Variants in CPNE8 observed in about 807,000 individuals in gnomAD.
CPNE8 encodes copine-8.
CPNE8 carries 45 observed loss-of-function variants against 81.5 expected under a neutral mutation model. The observed-to-expected ratio is 0.55, with a 90% CI of 0.44 to 0.71. The LOEUF (loss-of-function observed/expected upper bound fraction) is 0.71. CPNE8 is among the 30% of genes least tolerant of loss of function. The pLI is 0.00. For synonymous variants in CPNE8, 252 were observed against 226.3 expected, an observed-to-expected ratio of 1.11 and a Z score of -1.02; for missense variants, 594 against 672.1, an observed-to-expected ratio of 0.88 and a Z score of 1.28.
intron 6 of CPNE8, among the ~76,000 whole-genome samples, chr12:38,791,820 GA>G: frequency 6.6e-6 from 1 of 151,534 alleles, no homozygotes; most frequent in African/African-American, 2.4e-5. Context: ...CTCCAGGACA[GA>G]CCACATTTTA....
chr12:38,878,665 G>T (rs1208719700), intron 1 of CPNE8, among the ~76,000 whole-genome samples: 4 of 152,104 alleles, frequency 2.6e-5, no homozygotes, highest in South Asian at 2.1e-4. Flanking sequence ...TTGTCAGTCG[G>T]CATTCTGAGA....
chr12:38,784,479 C>A (rs1249261062), intron 6 of CPNE8, among the ~76,000 whole-genome samples: 1 of 152,126 alleles, frequency 6.6e-6, no homozygotes, highest in Non-Finnish European at 1.5e-5. Context: ...TAACTGAGAA[C>A]TTCCCAGACC....
chr12:38,799,091 A>T (rs71461480), intron 6 of CPNE8, among the ~76,000 whole-genome samples: 7 of 152,150 alleles, frequency 4.6e-5, no homozygotes, highest in Admixed American at 1.3e-4. Flanking sequence ...CTCCCACACA[A>T]TAATAATGGG....
At chr12:38,882,885 A>T (rs1307709059) in intron 1 of CPNE8, among the ~76,000 whole-genome samples, 1 of 152,130 alleles carries the variant, frequency 6.6e-6, no homozygotes, top group Admixed American at 6.5e-5. Context: ...TTTTACCCAT[A>T]GCATTCTGTT....
At chr12:38,803,468 T>A (rs910646459) in intron 6 of CPNE8, among the ~76,000 whole-genome samples, 10 of 151,070 alleles carry the variant, frequency 6.6e-5, no homozygotes, top group African/African-American at 2.2e-4. Flanking sequence ...CCCTTCATGC[T>A]AAAAACTTTC....
chr12:38,854,309 A>G (rs1943692746), intron 3 of CPNE8, among the ~76,000 whole-genome samples: 1 of 151,820 alleles, frequency 6.6e-6, no homozygotes. Context: ...TTATAAGAGG[A>G]AGACATATAG....
chr12:38,774,024 G>A (rs1374955572), intron 7 of CPNE8, among the ~76,000 whole-genome samples: 3 of 152,066 alleles, frequency 2.0e-5, no homozygotes, highest in Non-Finnish European at 4.4e-5. Flanking sequence ...GATAATTCCA[G>A]ATGTTATTGA....
chr12:38,906,083 C>A, upstream of CPNE8: 1 of 986,586 alleles, frequency 1.0e-6, no homozygotes, highest in Non-Finnish European at 1.2e-6. Context: ...GGTGGGGGCA[C>A]CTCTGCCCGT....
chr12:38,887,772 T>TA (rs1473954854), intron 1 of CPNE8, among the ~76,000 whole-genome samples: 1 of 152,198 alleles, frequency 6.6e-6, no homozygotes, highest in East Asian at 1.9e-4. Context: ...AGTTGCCGTT[T>TA]AAATCCAGAT....
chr12:38,788,949 A>T (rs1461648275), intron 6 of CPNE8, among the ~76,000 whole-genome samples: 1 of 151,886 alleles, frequency 6.6e-6, no homozygotes, highest in African/African-American at 2.4e-5. Flanking sequence ...AAGATAATTA[A>T]AGAGGACACC....
chr12:38,797,293 AC>A (rs938986093), intron 6 of CPNE8, among the ~76,000 whole-genome samples: 2 of 151,722 alleles, frequency 1.3e-5, no homozygotes, highest in African/African-American at 4.8e-5. Flanking sequence ...ACTGGGAGGC[AC>A]CCCCCAGTAG....
chr12:38,892,543 G>C (rs1681719006), intron 1 of CPNE8, among the ~76,000 whole-genome samples: 3 of 152,164 alleles, frequency 2.0e-5, no homozygotes, highest in South Asian at 2.1e-4. Flanking sequence ...GATTTTAAAA[G>C]TACCGAAACC....
At chr12:38,811,134 C>T (rs1264942896) in intron 6 of CPNE8, among the ~76,000 whole-genome samples, 1 of 152,048 alleles carries the variant, frequency 6.6e-6, no homozygotes. Context: ...AAAATTCTTC[C>T]TTCTACCCTG....
intron 5 of CPNE8, among the ~76,000 whole-genome samples, chr12:38,839,231 G>C (rs552387022): frequency 6.6e-6 from 1 of 151,846 alleles, no homozygotes; most frequent in East Asian, 1.9e-4. Context: ...ACAATGTTTC[G>C]CTGGAGTATC....
chr12:38,867,566 T>C (rs948317839), intron 3 of CPNE8, among the ~76,000 whole-genome samples: 9 of 152,198 alleles, frequency 5.9e-5, no homozygotes, highest in African/African-American at 1.9e-4. Context: ...TGCCTTCTTT[T>C]ATCACATACT....
At chr12:38,903,222 C>T (rs1944515174) in intron 1 of CPNE8, among the ~76,000 whole-genome samples, 1 of 152,166 alleles carries the variant, frequency 6.6e-6, no homozygotes, top group African/African-American at 2.4e-5. Context: ...TTACCTCAAA[C>T]TTATCGTAAA....
intron 13 of CPNE8, among the ~76,000 whole-genome samples, chr12:38,717,501 T>C (rs543334198): frequency 5.9e-5 from 8 of 135,800 alleles, no homozygotes; most frequent in African/African-American, 2.2e-4. Context: ...AACAAAATAA[T>C]GTCTTTTGCA....
chr12:38,831,012 G>A (rs1041684506), intron 5 of CPNE8, among the ~76,000 whole-genome samples: 2 of 152,144 alleles, frequency 1.3e-5, no homozygotes, highest in African/African-American at 4.8e-5. Context: ...GAAAGTGGGG[G>A]TGAGAAGTGC....
At chr12:38,732,766 A>G (rs1463928631) in intron 10 of CPNE8, among the ~76,000 whole-genome samples, 4 of 151,980 alleles carry the variant, frequency 2.6e-5, no homozygotes, top group African/African-American at 9.7e-5. Flanking sequence ...TCATATTACA[A>G]GCATCTCTAT....
Sources: gnomAD v4.1 joint callset for allele counts (sites outside exome capture counted in the v4.1 genomes callset) on GRCh38, gnomAD v4.1.1 for gene constraint, MANE v1.5 for transcripts, NCBI Gene and HGNC (gene_info 2026-07-23, HGNC 2026-07-21) for gene names.